PSTPIP1: variants seen among roughly 807,000 people sequenced by gnomAD.
The protein encoded by PSTPIP1 is proline-serine-threonine phosphatase-interacting protein 1.
In PSTPIP1, 66 loss-of-function variants were observed where a neutral mutation model predicts 69.6. The observed-to-expected ratio is 0.95, with a 90% CI of 0.78 to 1.16. The LOEUF (loss-of-function observed/expected upper bound fraction) is 1.16. Ranked by LOEUF, PSTPIP1 falls within the 50% of genes most tolerant of loss-of-function variation. The pLI is 0.00. For synonymous variants in PSTPIP1, 266 were observed against 222.7 expected (o/e 1.19, Z -1.73); for missense variants, 603 against 557.4 (o/e 1.08, Z -0.82).
chr15:76,996,828 C>A (rs1490875788), intron 1 of PSTPIP1, among the ~76,000 whole-genome samples: 1 of 152,156 alleles, frequency 6.6e-6, no homozygotes, highest in East Asian at 1.9e-4. Context: ...GAGGACCAGG[C>A]ACCAGGATGC....
At chr15:77,024,915 C>G (rs368974160) in intron 3 of PSTPIP1, among the ~76,000 whole-genome samples, 1 of 151,938 alleles carries the variant, frequency 6.6e-6, no homozygotes, top group Admixed American at 6.5e-5. Flanking sequence ...TGGTACCTGC[C>G]GAGGAGAGAG....
intron 1 of PSTPIP1, 73 bp from the exon 2 acceptor site, chr15:77,018,075 G>T: frequency 6.9e-7 from 1 of 1,445,282 alleles, no homozygotes; most frequent in Non-Finnish European, 9.5e-7. Flanking sequence ...GAGATGGTGG[G>T]AGGGTCCCCA....
At chr15:77,025,997 C>T (rs2076272407) in intron 5 of PSTPIP1, 1 of 428,086 alleles carries the variant, frequency 2.3e-6, no homozygotes, top group Admixed American at 2.5e-5. Flanking sequence ...TGGAAAAAGG[C>T]AGACTTGCAG....
intron 9 of PSTPIP1, 132 bp downstream of exon 9, chr15:77,030,713 C>T (rs750827455): frequency 8.6e-5 from 80 of 927,482 alleles, no homozygotes; most frequent in Non-Finnish European, 1.2e-4. Flanking sequence ...TTTATTCAGC[C>T]TCCTGCTCAC....
intron 1 of PSTPIP1, among the ~76,000 whole-genome samples, chr15:77,008,348 C>T (rs575312731): frequency 2.0e-5 from 3 of 152,276 alleles, no homozygotes; most frequent in East Asian, 1.9e-4. Context: ...ATTTCATCCC[C>T]GTCCTCAGAT....
intron 2 of PSTPIP1, 53 bp downstream of exon 2, chr15:77,018,301 G>A (rs1367044994): frequency 5.8e-6 from 9 of 1,544,866 alleles, no homozygotes; most frequent in Non-Finnish European, 7.9e-6. Flanking sequence ...GGTGGCTTCC[G>A]CTCGGCTCCT....
rs1250455157 is a variant in PSTPIP1 at position 77,000,464 on chromosome 15, T to TATATAGATATATATAG, written c.36+4860_36+4861insGATATATATAGATATA. ...CATCCTGGGCATTTAAAGAGAGATA[T>TATATAGATATATATAG]ATATATATATATACACACACACACA... On this transcript the variant is annotated intron_variant, in intron 1 of 14. Coordinates refer to ENST00000558012, the MANE Select transcript of PSTPIP1 (RefSeq NM_003978.5). 5.7e-3 allele frequency among the ~76,000 whole-genome samples: 632 copies of TATATAGATATATATAG among 110,282 alleles called. 13 individuals carry two copies. The highest frequency in any genetic ancestry group is 0.018 in the African/African-American group (610 of 34,722). The allele number at this position is 110,282 out of a possible 152,430, so 72.3% of individuals were successfully genotyped here. A position where few individuals can be genotyped will look rare whatever the true frequency, so the allele number is the denominator to read the frequency against.
intron 1 of PSTPIP1, among the ~76,000 whole-genome samples, chr15:77,001,331 C>A (rs2075702781): frequency 6.6e-6 from 1 of 152,108 alleles, no homozygotes; most frequent in Non-Finnish European, 1.5e-5. Flanking sequence ...ACTTTGGGAT[C>A]CCCCATAGTC....
chr15:77,023,134 C>T (rs1028661044), intron 3 of PSTPIP1, among the ~76,000 whole-genome samples: 2 of 152,200 alleles, frequency 1.3e-5, no homozygotes, highest in Non-Finnish European at 2.9e-5. Context: ...GACCATGAAC[C>T]GGGGTGGCCC....
chr15:77,022,204 G>C (rs1260885134), intron 3 of PSTPIP1, among the ~76,000 whole-genome samples: 1 of 152,224 alleles, frequency 6.6e-6, no homozygotes, highest in Non-Finnish European at 1.5e-5. Context: ...ATTGGCGGGA[G>C]AGAGCCAGGC....
chr15:77,032,670 TG>T, intron 11 of PSTPIP1, 191 bp from the exon 12 acceptor site: 1 of 629,210 alleles, frequency 1.6e-6, no homozygotes, highest in Non-Finnish European at 2.8e-6. Flanking sequence ...TTGGTTCCAC[TG>T]GATCACGGGT....
At chr15:77,018,969 C>G (rs1049800023) in intron 3 of PSTPIP1, among the ~76,000 whole-genome samples, 4 of 152,194 alleles carry the variant, frequency 2.6e-5, no homozygotes, top group African/African-American at 9.7e-5. Flanking sequence ...TCCTCACCCC[C>G]CAGCTGTCTG....
intron 3 of PSTPIP1, among the ~76,000 whole-genome samples, chr15:77,020,354 G>A (rs2076136205): frequency 6.6e-6 from 1 of 152,090 alleles, no homozygotes; most frequent in Admixed American, 6.5e-5. Flanking sequence ...CTATGGAAGG[G>A]GATGGTCACT....
At chr15:76,998,843 C>T (rs75722829) in intron 1 of PSTPIP1, among the ~76,000 whole-genome samples, 4,149 of 152,188 alleles carry the variant, frequency 0.027, 87 homozygotes, top group Non-Finnish European at 0.042. Flanking sequence ...TTCAGATGCA[C>T]GCTGCTGTAG....
chr15:77,013,031 A>C (rs975914925), intron 1 of PSTPIP1, among the ~76,000 whole-genome samples: 1 of 152,190 alleles, frequency 6.6e-6, no homozygotes, highest in South Asian at 2.1e-4. Context: ...TCAGGTTTTC[A>C]GTCCACAGAA....
chr15:77,010,274 T>C (rs1312436644), intron 1 of PSTPIP1, among the ~76,000 whole-genome samples: 1 of 152,210 alleles, frequency 6.6e-6, no homozygotes, highest in African/African-American at 2.4e-5. Flanking sequence ...GCCTGTAAGA[T>C]GGAACAGTAA....
At position 77,037,347 on chromosome 15, in the gene PSTPIP1, G is replaced by A; in HGVS notation, c.*171G>A. On this transcript the variant is annotated 3_prime_UTR_variant, in exon 15 of 15. Coordinates refer to ENST00000558012, the MANE Select transcript of PSTPIP1 (RefSeq NM_003978.5). ...GTTCTGTTCTCCTTGGTGTGCTGGG[G>A]TCCCGTTCTCTTTTTCTCCTGCTCC... The A allele has an allele frequency of 1.2e-6, 1 of 864,356 alleles. No individual in the cohort carries two copies. The highest frequency in any genetic ancestry group is 1.7e-6 in the Non-Finnish European group (1 of 592,878). 53.5% of individuals were successfully genotyped at this position (864,356 alleles called of 1,614,324 possible).
At chr15:77,031,135 C>T (rs974659671) in intron 9 of PSTPIP1, 45 bp from the exon 10 acceptor site, 4 of 1,575,292 alleles carry the variant, frequency 2.5e-6, no homozygotes, top group East Asian at 2.2e-5. Context: ...TGGCCGGGCC[C>T]TGCAGCCGCC....
rs1013272222 is a variant in PSTPIP1 at position 77,037,312 on chromosome 15, A to G, written c.*136A>G. ...GGGAGCCTGTCGTCTCCCAGGGAAT[A>G]AAGGAGTGCGTTCTGTTCTCCTTGG... On this transcript the variant is annotated 3_prime_UTR_variant, in exon 15 of 15. Transcript: ENST00000558012. 6.7e-6 allele frequency: 8 copies of G among 1,196,654 alleles called. No individual in the cohort carries two copies. The highest frequency in any genetic ancestry group is 5.9e-4 in the Middle Eastern group (2 of 3,380). The allele number at this position is 1,196,654 out of a possible 1,614,324, so 74.1% of individuals were successfully genotyped here.
Sources: allele counts gnomAD v4.1 joint callset (sites outside exome capture counted in the v4.1 genomes callset), GRCh38; gene constraint gnomAD v4.1.1; transcripts MANE v1.5; gene names NCBI Gene and HGNC (gene_info 2026-07-23, HGNC 2026-07-21).